The following ETF1 variants were observed in gnomAD, a reference collection of about 807,000 sequenced individuals.
ETF1 encodes eukaryotic translation termination factor 1.
In ETF1, 4 loss-of-function variants were observed where a neutral mutation model predicts 55.1. The observed-to-expected ratio is 0.07, with a 90% CI of 0.04 to 0.17. ETF1 has a LOEUF of 0.17. ETF1 is among the 10% of genes least tolerant of loss of function. The pLI, the probability that ETF1 is intolerant of heterozygous loss-of-function variation, is 1.00. For missense variants in ETF1, 142 were observed against 523.6 expected (o/e 0.27, Z 7.11); for synonymous variants, 157 against 182.3 (o/e 0.86, Z 1.12).
intron 6 of ETF1, 163 bp from the exon 7 acceptor site, chr5:138,511,767 C>T (rs1292036653): frequency 6.1e-6 from 6 of 982,510 alleles, no homozygotes; most frequent in African/African-American, 3.5e-5. Flanking sequence ...TCAAAAGCTG[C>T]TCTTAAAGTG....
chr5:138,531,282 G>A (rs777502689), intron 2 of ETF1, among the ~76,000 whole-genome samples: 7 of 152,118 alleles, frequency 4.6e-5, no homozygotes, highest in Non-Finnish European at 8.8e-5. Flanking sequence ...CTTGCCATGA[G>A]AGGAACAGTG....
intron 4 of ETF1, among the ~76,000 whole-genome samples, chr5:138,517,343 C>G (rs1765061829): frequency 6.6e-6 from 1 of 151,442 alleles, no homozygotes; most frequent in South Asian, 2.1e-4. Context: ...TGCACTCCAG[C>G]CTGGGAGACA....
intron 6 of ETF1, 98 bp downstream of exon 6, chr5:138,512,666 G>T (rs1764866969): frequency 1.7e-6 from 2 of 1,144,710 alleles, no homozygotes; most frequent in Non-Finnish European, 2.4e-6. Context: ...TTTAACCCAA[G>T]GAATTTTAAA....
At position 138,543,231 on chromosome 5, in the gene ETF1, T is replaced by C. The variant is rs1766265397; in HGVS notation, c.-153A>G. 3 of 435,690 alleles carry C rather than the reference T, an allele frequency of 6.9e-6. No homozygotes were observed. Among genetic ancestry groups the C allele is most frequent in the African/African-American group, 2.0e-5 (1 of 48,894 alleles). 27.0% of individuals were successfully genotyped at this position (435,690 alleles called of 1,614,324 possible). A position where few individuals can be genotyped will look rare whatever the true frequency, so the allele number is the denominator to read the frequency against. On this transcript the variant is annotated 5_prime_UTR_variant, in exon 1 of 11. Transcript: ENST00000360541. ...TGTTGCAATCCGCTCACATGGGGCC[T>C]GTGACATCACTTCCTCCGCCAGGGG...
chr5:138,511,648 T>A, intron 6 of ETF1, 44 bp from the exon 7 acceptor site: 1 of 1,542,228 alleles, frequency 6.5e-7, no homozygotes, highest in Non-Finnish European at 8.7e-7. Context: ...TGGTACTTAT[T>A]TAAAATATTA....
chr5:138,525,818 C>G (rs7713333), intron 2 of ETF1, among the ~76,000 whole-genome samples: 4 of 151,410 alleles, frequency 2.6e-5, no homozygotes, highest in Non-Finnish European at 5.9e-5. Flanking sequence ...TGGTGGCACA[C>G]GCCTATAATC....
At chr5:138,513,847 T>C in intron 4 of ETF1, 141 bp from the exon 5 acceptor site, 2 of 1,120,278 alleles carry the variant, frequency 1.8e-6, no homozygotes, top group Non-Finnish European at 2.3e-6. Context: ...CGGAATAATT[T>C]ATAGACTTCA....
intron 6 of ETF1, 62 bp from the exon 7 acceptor site, chr5:138,511,666 A>T: frequency 6.7e-7 from 1 of 1,502,106 alleles, no homozygotes; most frequent in Non-Finnish European, 8.9e-7. Flanking sequence ...TTATTAAAAC[A>T]CCTTTACTCA....
chr5:138,510,756 CAT>C (rs1764743650), intron 8 of ETF1, 127 bp from the exon 9 acceptor site: 2 of 1,311,646 alleles, frequency 1.5e-6, no homozygotes, highest in Admixed American at 5.1e-5. Flanking sequence ...TTTCCATAAA[CAT>C]GTTAGCATAC....
chr5:138,529,709 T>C, intron 2 of ETF1: 5 of 984,606 alleles, frequency 5.1e-6, no homozygotes, highest in Non-Finnish European at 6.0e-6. Context: ...AAAAAAGGAA[T>C]TGTAACAGAA....
intron 2 of ETF1, among the ~76,000 whole-genome samples, chr5:138,537,431 A>C (rs527390149): frequency 1.3e-5 from 2 of 152,340 alleles, no homozygotes; most frequent in East Asian, 3.9e-4. Flanking sequence ...GTTACCACCT[A>C]ATCCAAGATT....
intron 2 of ETF1, chr5:138,541,590 G>T: frequency 6.5e-7 from 1 of 1,531,830 alleles, no homozygotes; most frequent in Non-Finnish European, 8.7e-7. Flanking sequence ...GAGCTTGGAG[G>T]GGCTGTCATT....
At chr5:138,511,233 T>C (rs757124725) in intron 7 of ETF1, 33 bp from the exon 8 acceptor site, 55 of 1,606,180 alleles carry the variant, frequency 3.4e-5, no homozygotes, top group Admixed American at 1.5e-4. Context: ...AGGATATATA[T>C]TAAAGTTTCC....
rs1266058856 is a variant in ETF1 at position 138,508,097 on chromosome 5, G to C, written c.*208C>G. Reference sequence around the variant, plus strand: ...AGTGGCGTTTAGGAACTTAGTTGTAGGCTGCTGCGCTGACACCATGACAAA... The same window carrying C: ...AGTGGCGTTTAGGAACTTAGTTGTACGCTGCTGCGCTGACACCATGACAAA... On this transcript the variant is annotated 3_prime_UTR_variant, in exon 11 of 11. Transcript: ENST00000360541. 1.0e-5 allele frequency: 5 copies of C among 484,212 alleles called. No individual in the cohort carries two copies. Among genetic ancestry groups the C allele is most frequent in the Non-Finnish European group, 1.8e-5 (5 of 285,618 alleles). 30.0% of individuals were successfully genotyped at this position (484,212 alleles called of 1,614,324 possible). A position where few individuals can be genotyped will look rare whatever the true frequency, so the allele number is the denominator to read the frequency against.
chr5:138,542,946 C>T lies in ETF1; in HGVS notation c.-18-10G>A. ...TCTCGCCTCCTCCTCCCTAGAGCGG[C>T]CCGGCGGGGCCCGGAGACACCAAGA... is the stretch of plus-strand genomic sequence containing the variant. On this transcript the variant is annotated splice_polypyrimidine_tract_variant and intron_variant, in intron 1 of 10. Coordinates refer to ENST00000360541, the MANE Select transcript of ETF1 (RefSeq NM_004730.4). 1 of 1,611,626 alleles carries T rather than the reference C, an allele frequency of 6.2e-7. No homozygotes were observed. Among genetic ancestry groups the T allele is most frequent in the Non-Finnish European group, 8.5e-7 (1 of 1,179,114 alleles).
At chr5:138,515,974 T>C (rs756490200) in intron 4 of ETF1, among the ~76,000 whole-genome samples, 2 of 152,192 alleles carry the variant, frequency 1.3e-5, no homozygotes, top group Non-Finnish European at 2.9e-5. Context: ...AATTCCACTG[T>C]AGAGGTTTTT....
chr5:138,519,665 GAA>G (rs34267508), intron 2 of ETF1, among the ~76,000 whole-genome samples: 3 of 128,310 alleles, frequency 2.3e-5, no homozygotes, highest in Non-Finnish European at 5.0e-5. Flanking sequence ...TTAGTCTCGA[GAA>G]AAAAAAAAAA....
Position 138,508,390 on chromosome 5 carries a change from G to A in ETF1, c.1232-3C>T, listed in dbSNP as rs781171456. On this transcript the variant is annotated splice_region_variant and splice_polypyrimidine_tract_variant and intron_variant, in intron 10 of 10. Transcript: ENST00000360541. ...ATCTACTCGGTACCGCAAGATACCT[G>A]GGGAAACAAACCAAAAGGTAAATTA... 6 of 1,613,670 alleles carry A rather than the reference G, an allele frequency of 3.7e-6. No homozygotes were observed. In the South Asian group the frequency reaches 5.5e-5, roughly 15 times the overall value.
At chr5:138,523,109 C>T (rs1015628450) in intron 2 of ETF1, among the ~76,000 whole-genome samples, 3 of 152,206 alleles carry the variant, frequency 2.0e-5, no homozygotes, top group Non-Finnish European at 4.4e-5. Context: ...TGGCTCACGC[C>T]TGTAATCCCA....
Sources: allele counts gnomAD v4.1 joint callset (sites outside exome capture counted in the v4.1 genomes callset), GRCh38; gene constraint gnomAD v4.1.1; transcripts MANE v1.5; gene names NCBI Gene and HGNC (gene_info 2026-07-23, HGNC 2026-07-21).